COBL: variants seen among roughly 807,000 people sequenced by gnomAD.
COBL encodes the protein protein cordon-bleu.
A neutral mutation model predicts 98.8 loss-of-function variants in COBL; 51 were observed. The ratio of observed to expected loss-of-function variants is 0.52; its 90% CI spans 0.41 to 0.65. The LOEUF is 0.65. COBL is among the 30% of genes least tolerant of loss of function. The pLI, the probability that COBL is intolerant of heterozygous loss-of-function variation, is 0.00. For missense variants in COBL, 1,617 were observed against 1,617.5 expected (o/e 1.00, Z 0.01); for synonymous variants, 634 against 651.7 (o/e 0.97, Z 0.41).
intron 2 of COBL, among the ~76,000 whole-genome samples, chr7:51,201,851 A>G (rs1014566599): frequency 2.6e-5 from 4 of 152,244 alleles, no homozygotes; most frequent in Admixed American, 6.5e-5. Context: ...ACCTTCTGTG[A>G]TATCATTTTA....
intron 6 of COBL, among the ~76,000 whole-genome samples, chr7:51,115,642 G>A (rs1337996594): frequency 6.6e-6 from 1 of 152,062 alleles, no homozygotes; most frequent in African/African-American, 2.4e-5. Flanking sequence ...AGTATATTGA[G>A]ATGTGTTGGT....
At position 51,166,286 on chromosome 7, in the gene COBL, C is replaced by T. The variant is rs116393235; in HGVS notation, c.783+17816G>A. Among the ~76,000 whole-genome samples, 264 of 151,692 alleles carry T rather than the reference C, an allele frequency of 1.7e-3. 3 individuals are homozygous for T. Among genetic ancestry groups the T allele is most frequent in the African/African-American group, 6.1e-3 (251 of 41,420 alleles). ...AAAAGGGAGACATTACAACTAACAC[C>T]GCAGAAATTCAAAGGATCATTGGTG... On this transcript the variant is annotated intron_variant, in intron 5 of 12. Transcript: ENST00000265136.
Position 51,258,921 on chromosome 7 carries a change from C to A in COBL, c.42-38977G>T, listed in dbSNP as rs79612738. Among the ~76,000 whole-genome samples, 207 of 152,232 alleles carry A rather than the reference C, an allele frequency of 1.4e-3. 1 individual carries two copies. The highest frequency in any genetic ancestry group is 4.8e-3 in the African/African-American group (199 of 41,542). On this transcript the variant is annotated intron_variant, in intron 1 of 12. Coordinates refer to ENST00000265136, the MANE Select transcript of COBL (RefSeq NM_015198.5). ...CCTAATGTCCTAATCAGGCATTCAT[C>A]GCTCCCAGAAGGTCTCCCATCTATT...
At chr7:51,060,321 C>T (rs1791202627) in intron 7 of COBL, among the ~76,000 whole-genome samples, 1 of 152,252 alleles carries the variant, frequency 6.6e-6, no homozygotes, top group South Asian at 2.1e-4. Context: ...CTATCAGTAG[C>T]TTGACTTACA....
intron 5 of COBL, chr7:51,156,750 G>A (rs187684002): frequency 6.6e-4 from 113 of 170,530 alleles, no homozygotes; most frequent in African/African-American, 2.8e-3. Flanking sequence ...ACAATGAACT[G>A]TAGTTAAGGT....
In COBL at chr7:51,018,908, ATATATATATATAT is replaced by A. The variant is rs1786613761; in HGVS notation, c.3769-1353_3769-1341del. ...CTCCATCTCAAAAAAAAAAAAAAAT[ATATATATATATAT>A]ATATATATATATATATATATATATA... On this transcript the variant is annotated intron_variant, in intron 12 of 12. Transcript: ENST00000265136. Among the ~76,000 whole-genome samples, 221 of 30,260 alleles carry A rather than the reference ATATATATATATAT, an allele frequency of 7.3e-3. 43 individuals carry two copies. Among genetic ancestry groups the A allele is most frequent in the African/African-American group, 0.018 (140 of 7,644 alleles). The allele number at this position is 30,260 out of a possible 152,430, so 19.9% of individuals were successfully genotyped here.
intron 7 of COBL, among the ~76,000 whole-genome samples, chr7:51,045,066 A>G (rs1789559847): frequency 6.6e-6 from 1 of 152,188 alleles, no homozygotes; most frequent in Non-Finnish European, 1.5e-5. Flanking sequence ...TTCTCTCCCC[A>G]GCTTTTGGGG....
intron 6 of COBL, among the ~76,000 whole-genome samples, chr7:51,135,892 C>G (rs1436581416): frequency 6.6e-6 from 1 of 152,186 alleles, no homozygotes; most frequent in Admixed American, 6.5e-5. Flanking sequence ...CATGGTGGAT[C>G]TGACATATTA....
chr7:51,251,028 G>A (rs577233806), intron 1 of COBL, among the ~76,000 whole-genome samples: 2 of 152,254 alleles, frequency 1.3e-5, no homozygotes, highest in East Asian at 3.9e-4. Context: ...ACCTATTTGT[G>A]ATGATTTTTA....
chr7:51,136,004 CT>C (rs1416465261), intron 6 of COBL, among the ~76,000 whole-genome samples, 153 bp downstream of exon 6: 1 of 152,212 alleles, frequency 6.6e-6, no homozygotes. Context: ...GGCATCTTGC[CT>C]TTACTTTTAA....
Position 51,309,254 on chromosome 7 carries a change from G to A in COBL, c.41+7339C>T, listed in dbSNP as rs183219094. 1.8e-4 allele frequency among the ~76,000 whole-genome samples: 27 copies of A among 152,270 alleles called. No homozygotes were observed. In the East Asian group the frequency reaches 2.1e-3, roughly 12 times the overall value. ...CTTGTATGGCTGGCAGGTGGAGCAC[G>A]AAAGGACGGGGTGCATCTCCCCCTC... On this transcript the variant is annotated intron_variant, in intron 1 of 12. Coordinates refer to ENST00000265136, the MANE Select transcript of COBL (RefSeq NM_015198.5).
intron 5 of COBL, among the ~76,000 whole-genome samples, chr7:51,180,523 G>A (rs536755588): frequency 1.3e-4 from 20 of 152,294 alleles, no homozygotes; most frequent in African/African-American, 4.8e-4. Flanking sequence ...CAACTAAAAT[G>A]AGTCAGTATG....
intron 6 of COBL, among the ~76,000 whole-genome samples, chr7:51,117,379 C>G (rs1382416773): frequency 6.6e-6 from 1 of 151,796 alleles, no homozygotes; most frequent in African/African-American, 2.4e-5. Context: ...CTTTGGGGAT[C>G]TACTTTTTTT....
chr7:51,182,012 A>G (rs1163935686), intron 5 of COBL, among the ~76,000 whole-genome samples: 1 of 152,208 alleles, frequency 6.6e-6, no homozygotes, highest in African/African-American at 2.4e-5. Context: ...CTTTGCTAAA[A>G]ACGAAAGTCT....
At chr7:51,194,239 A>C (rs1269322810) in intron 2 of COBL, among the ~76,000 whole-genome samples, 1 of 152,148 alleles carries the variant, frequency 6.6e-6, no homozygotes, top group African/African-American at 2.4e-5. Flanking sequence ...TAGTTTGCTA[A>C]GGATAATGAC....
chr7:51,031,020 C>G lies in COBL; in HGVS notation c.1407-111G>C, dbSNP rs182248331. On this transcript the variant is annotated intron_variant, in intron 8 of 12. Coordinates refer to ENST00000265136, the MANE Select transcript of COBL (RefSeq NM_015198.5). Reference sequence around the variant, plus strand: ...CAGCTCATACTCAAATTCAAGCAGTCACATACTCACTGTACTGCTGTTGTC... The same window carrying G: ...CAGCTCATACTCAAATTCAAGCAGTGACATACTCACTGTACTGCTGTTGTC... The G allele has an allele frequency of 1.9e-4, 143 of 751,960 alleles. No homozygotes were observed. In the African/African-American group the frequency reaches 2.4e-3, roughly 12 times the overall value. The allele number at this position is 751,960 out of a possible 1,614,324, so 46.6% of individuals were successfully genotyped here. A position where few individuals can be genotyped will look rare whatever the true frequency, so the allele number is the denominator to read the frequency against.
intron 1 of COBL, among the ~76,000 whole-genome samples, chr7:51,268,900 A>G (rs1182834870): frequency 6.7e-6 from 1 of 149,798 alleles, no homozygotes; most frequent in East Asian, 2.0e-4. Context: ...ATTGCACTCC[A>G]GCCTGGGTGA....
At chr7:51,149,550 T>C (rs180885759) in intron 5 of COBL, among the ~76,000 whole-genome samples, 5 of 152,360 alleles carry the variant, frequency 3.3e-5, no homozygotes, top group Admixed American at 3.3e-4. Context: ...TACTCTTACA[T>C]GGATTTAACC....
chr7:51,176,163 T>C (rs1271667717), intron 5 of COBL, among the ~76,000 whole-genome samples: 1 of 152,192 alleles, frequency 6.6e-6, no homozygotes, highest in East Asian at 1.9e-4. Context: ...TTGCACCTCT[T>C]TGGAGATACT....
Sources: gnomAD v4.1 joint callset for allele counts (sites outside exome capture counted in the v4.1 genomes callset) on GRCh38, gnomAD v4.1.1 for gene constraint, MANE v1.5 for transcripts, NCBI Gene and HGNC (gene_info 2026-07-23, HGNC 2026-07-21) for gene names.